DNAJA3: variants seen among roughly 807,000 people sequenced by gnomAD.
DNAJA3 encodes the protein DnaJ heat shock protein family (Hsp40) member A3.
In DNAJA3, 29 loss-of-function variants were observed where a neutral mutation model predicts 54.9. The ratio of observed to expected loss-of-function variants is 0.53; its 90% CI spans 0.39 to 0.72. The LOEUF (loss-of-function observed/expected upper bound fraction) is 0.72, where lower values mean the gene tolerates loss of function less well. DNAJA3 is among the 30% of genes least tolerant of loss of function. DNAJA3 has a pLI of 0.00. For synonymous variants in DNAJA3, 302 were observed against 251.4 expected (o/e 1.20, Z -1.90); for missense variants, 708 against 639.4 (o/e 1.11, Z -1.16).
In DNAJA3 at chr16:4,448,718, T is replaced by A; in HGVS notation, c.1126-15T>A. 2 of 1,600,820 alleles carry A rather than the reference T, an allele frequency of 1.2e-6. No homozygotes were observed. The highest frequency in any genetic ancestry group is 1.3e-5 in the African/African-American group (1 of 74,804). ...CTGGGGACCAGGGGAAACCACAGATTTTCTTTCTTTATAGATCCCCCCTGG... is the reference window on the plus strand; with the variant it reads ...CTGGGGACCAGGGGAAACCACAGATATTCTTTCTTTATAGATCCCCCCTGG... On this transcript the variant is annotated splice_polypyrimidine_tract_variant and intron_variant, in intron 8 of 11. Transcript: ENST00000262375.
intron 11 of DNAJA3, 41 bp downstream of exon 11, chr16:4,454,968 C>A: frequency 1.5e-6 from 2 of 1,353,300 alleles, no homozygotes; most frequent in South Asian, 1.2e-5. Context: ...TTGTTTTCCT[C>A]TGTGAACTAA....
In DNAJA3 at chr16:4,444,693, C is replaced by A; in HGVS notation, c.961C>A (p.Pro321Thr). The change falls in exon 7 of 12, where the codon CCT becomes ACT. Residue 321 changes from proline to threonine, a missense_variant. Transcript: ENST00000262375. ...GVEDGQTVRM[P>T]VGKREIFITF... ...CGAGGATGGCCAGACCGTGAGGATG[C>A]CTGTGGGAAAAAGGGAAATTTTCAT... The A allele has an allele frequency of 6.2e-7, 1 of 1,614,066 alleles. No homozygotes were observed. The highest frequency in any genetic ancestry group is 8.5e-7 in the Non-Finnish European group (1 of 1,179,998).
chr16:4,426,196 T>C, intron 1 of DNAJA3, 104 bp downstream of exon 1: 1 of 1,233,218 alleles, frequency 8.1e-7, no homozygotes, highest in Non-Finnish European at 1.1e-6. Flanking sequence ...GGAGGGTGTC[T>C]TCCGACGCGG....
intron 2 of DNAJA3, among the ~76,000 whole-genome samples, 182 bp from the exon 3 acceptor site, chr16:4,437,220 C>G (rs1051101108): frequency 6.6e-6 from 1 of 152,144 alleles, no homozygotes; most frequent in African/African-American, 2.4e-5. Context: ...ATCTGCCTGC[C>G]TTCACTTCCC....
intron 1 of DNAJA3, chr16:4,433,198 G>C (rs1402973417): frequency 6.6e-6 from 1 of 152,220 alleles, no homozygotes; most frequent in African/African-American, 2.4e-5. Context: ...AAACATCCTT[G>C]TTTCTTAAGC....
At chr16:4,442,476 G>A (rs764466727) in intron 5 of DNAJA3, 56 bp downstream of exon 5, 2 of 1,504,720 alleles carry the variant, frequency 1.3e-6, no homozygotes, top group Non-Finnish European at 1.8e-6. Flanking sequence ...ACTGAGAAGA[G>A]CTGGTTGTGG....
chr16:4,437,644 A>G, intron 3 of DNAJA3, 159 bp downstream of exon 3: 2 of 619,220 alleles, frequency 3.2e-6, no homozygotes, highest in Non-Finnish European at 5.5e-6. Flanking sequence ...AAAAAAAGAG[A>G]TTCCAGGCCA....
chr16:4,428,776 G>A (rs1157855861), intron 1 of DNAJA3, among the ~76,000 whole-genome samples: 2 of 151,984 alleles, frequency 1.3e-5, no homozygotes, highest in East Asian at 1.9e-4. Context: ...GGTGGCTCAC[G>A]ACTGTAATTC....
At chr16:4,434,582 C>T in intron 2 of DNAJA3, 65 bp downstream of exon 2, 1 of 1,576,252 alleles carries the variant, frequency 6.3e-7, no homozygotes, top group Non-Finnish European at 8.6e-7. Flanking sequence ...CCCATGTGAT[C>T]CTGATCAGTA....
intron 1 of DNAJA3, 61 bp from the exon 2 acceptor site, chr16:4,434,323 T>A: frequency 6.3e-7 from 1 of 1,581,030 alleles, no homozygotes; most frequent in African/African-American, 1.4e-5. Flanking sequence ...GGTCATGTAC[T>A]CACAGTTTTC....
At chr16:4,437,256 C>T (rs1165699100) in intron 2 of DNAJA3, 146 bp from the exon 3 acceptor site, 9 of 692,306 alleles carry the variant, frequency 1.3e-5, no homozygotes, top group South Asian at 1.3e-4. Flanking sequence ...CAGGCGTGAG[C>T]CACTGCACCC....
chr16:4,429,690 C>G (rs991509833), intron 1 of DNAJA3, among the ~76,000 whole-genome samples: 1 of 152,140 alleles, frequency 6.6e-6, no homozygotes, highest in African/African-American at 2.4e-5. Context: ...CAAAATTAGC[C>G]AGGCCTGGTG....
At chr16:4,454,348 C>T (rs1261912805) in intron 10 of DNAJA3, among the ~76,000 whole-genome samples, 1 of 152,188 alleles carries the variant, frequency 6.6e-6, no homozygotes, top group Non-Finnish European at 1.5e-5. Context: ...TGCATGGGCT[C>T]GCACTCAGTC....
At chr16:4,438,018 A>T (rs577983252) in intron 3 of DNAJA3, among the ~76,000 whole-genome samples, 2 of 152,162 alleles carry the variant, frequency 1.3e-5, no homozygotes, top group Non-Finnish European at 2.9e-5. Context: ...TGGAATCTCA[A>T]TGAAGAACAG....
In DNAJA3 at chr16:4,455,520, G is replaced by A. The variant is rs747832387; in HGVS notation, c.*14-26G>A. The A allele has an allele frequency of 1.7e-5, 26 of 1,551,688 alleles. 1 individual carries two copies. The South Asian group carries it at 2.7e-4, about 16-fold the overall frequency. ...TGTTCCCTTGAAATGTTGAGTATAA[G>A]GTAACAGCCTATCTCTTTGGCTCAG... On this transcript the variant is annotated intron_variant, in intron 11 of 11. Coordinates refer to ENST00000262375, the MANE Select transcript of DNAJA3 (RefSeq NM_005147.6).
In DNAJA3 at chr16:4,450,490, C is replaced by T; in HGVS notation, c.1332C>T (p.Thr444=). Reference sequence around the variant, plus strand: ...GGACGGTGAACGGCGTCACCCTCACCAGCTCTGGTAAGGAGTCTGAAGACT... The same window carrying T: ...GGACGGTGAACGGCGTCACCCTCACTAGCTCTGGTAAGGAGTCTGAAGACT... ...VEGTVNGVTL[T]SSGGSTMDSS... The change falls in exon 10 of 12, where the codon ACC becomes ACT. Residue 444 remains threonine (T), a synonymous_variant. Transcript: ENST00000262375. The T allele has an allele frequency of 6.2e-7, 1 of 1,607,218 alleles. No individual in the cohort carries two copies. Among genetic ancestry groups the T allele is most frequent in the African/African-American group, 1.3e-5 (1 of 74,960 alleles).
chr16:4,446,757 A>G (rs1392898278), intron 7 of DNAJA3, 129 bp from the exon 8 acceptor site: 2 of 1,139,624 alleles, frequency 1.8e-6, no homozygotes, highest in Non-Finnish European at 2.5e-6. Context: ...CTTTCCCTCA[A>G]CACTGCACTT....
At chr16:4,433,726 G>A (rs545364753) in intron 1 of DNAJA3, 3 of 152,138 alleles carry the variant, frequency 2.0e-5, no homozygotes, top group African/African-American at 7.2e-5. Flanking sequence ...GGCATAAGAG[G>A]GGGGAGCTGA....
intron 10 of DNAJA3, among the ~76,000 whole-genome samples, chr16:4,451,479 G>A (rs570121692): frequency 2.6e-5 from 4 of 152,040 alleles, no homozygotes; most frequent in Admixed American, 1.3e-4. Context: ...GCTGCCGGCC[G>A]GGCGCAGTGG....
Sources: gnomAD v4.1 joint callset for allele counts (sites outside exome capture counted in the v4.1 genomes callset) on GRCh38, gnomAD v4.1.1 for gene constraint, MANE v1.5 for transcripts, NCBI Gene and HGNC (gene_info 2026-07-23, HGNC 2026-07-21) for gene names.